Variants in PALM2AKAP2 observed in about 807,000 individuals in gnomAD.
The protein encoded by PALM2AKAP2 is PALM2 and AKAP2 fusion, also known as PALM2-AKAP2 fusion protein.
In PALM2AKAP2, 37 loss-of-function variants were observed where a neutral mutation model predicts 71.5. The observed-to-expected ratio is 0.52, with a 90% CI of 0.40 to 0.68. The LOEUF (loss-of-function observed/expected upper bound fraction) is 0.68, where lower values mean the gene tolerates loss of function less well. PALM2AKAP2 is among the 30% of genes least tolerant of loss of function. The pLI is 0.00. For synonymous variants in PALM2AKAP2, 468 were observed against 478.8 expected, an observed-to-expected ratio of 0.98 and a Z score of 0.29; for missense variants, 1,224 against 1,191.8, an observed-to-expected ratio of 1.03 and a Z score of -0.40.
chr9:110,009,196 G>A (rs1431615585), intron 6 of PALM2AKAP2, among the ~76,000 whole-genome samples: 1 of 152,120 alleles, frequency 6.6e-6, no homozygotes. Flanking sequence ...TACAGGGAGT[G>A]TGGGTACAGT....
intron 3 of PALM2AKAP2, among the ~76,000 whole-genome samples, chr9:109,902,270 CA>C (rs1315479928): frequency 3.3e-5 from 5 of 152,198 alleles, no homozygotes; most frequent in Non-Finnish European, 7.3e-5. Context: ...AGTGTCTCAT[CA>C]GTGCCTAGCG....
chr9:109,752,313 G>A (rs529342746), intron 1 of PALM2AKAP2, among the ~76,000 whole-genome samples: 2 of 152,214 alleles, frequency 1.3e-5, no homozygotes, highest in East Asian at 3.9e-4. Context: ...GCAAGCCACA[G>A]CTTTTCAAAC....
intron 1 of PALM2AKAP2, among the ~76,000 whole-genome samples, chr9:110,107,806 A>G (rs1474388671): frequency 2.6e-5 from 4 of 152,136 alleles, no homozygotes; most frequent in African/African-American, 4.8e-5. Context: ...GCCTCAGGCA[A>G]TCTGCTTGCC....
At chr9:110,057,352 C>T (rs931585979) in intron 1 of PALM2AKAP2, among the ~76,000 whole-genome samples, 19 of 151,470 alleles carry the variant, frequency 1.3e-4, no homozygotes, top group Admixed American at 1.3e-4. Context: ...GTTTTCCTAC[C>T]CAGCTCCTTC....
chr9:109,921,354 C>G (rs141730624), intron 3 of PALM2AKAP2, among the ~76,000 whole-genome samples: 1 of 152,100 alleles, frequency 6.6e-6, no homozygotes, highest in Non-Finnish European at 1.5e-5. Flanking sequence ...GGGTGCCATC[C>G]GGTGCACTGT....
chr9:110,109,318 C>CAAAAAAAAAAA (rs542467637), intron 1 of PALM2AKAP2, among the ~76,000 whole-genome samples: 1 of 79,642 alleles, frequency 1.3e-5, no homozygotes, highest in Non-Finnish European at 2.4e-5. Context: ...TCTTTGTCTC[C>CAAAAAAAAAAA]AAAAAAAAAA....
intron 6 of PALM2AKAP2, among the ~76,000 whole-genome samples, chr9:109,982,634 AAGAG>A (rs908701048): frequency 3.3e-5 from 5 of 152,026 alleles, no homozygotes; most frequent in African/African-American, 1.2e-4. Context: ...AATTTTTTTA[AAGAG>A]AGAGAGAGAC....
chr9:109,931,326 A>T (rs746420470), intron 5 of PALM2AKAP2, among the ~76,000 whole-genome samples: 1 of 152,198 alleles, frequency 6.6e-6, no homozygotes, highest in Non-Finnish European at 1.5e-5. Context: ...GGGTATTGTC[A>T]TTTAGAATCT....
intron 1 of PALM2AKAP2, among the ~76,000 whole-genome samples, chr9:109,795,598 T>C (rs1449998892): frequency 6.6e-6 from 1 of 152,356 alleles, no homozygotes; most frequent in African/African-American, 2.4e-5. Flanking sequence ...GGGAAGATCT[T>C]TGAAGCTGCA....
intron 3 of PALM2AKAP2, among the ~76,000 whole-genome samples, chr9:110,161,782 C>A (rs538312950): frequency 6.6e-6 from 1 of 152,206 alleles, no homozygotes; most frequent in Non-Finnish European, 1.5e-5. Context: ...TGGTGGGCAG[C>A]TGATTGTGTA....
chr9:109,691,893 T>TAC (rs1564114956), intron 1 of PALM2AKAP2, among the ~76,000 whole-genome samples: 5 of 73,130 alleles, frequency 6.8e-5, no homozygotes, highest in African/African-American at 1.8e-4. Flanking sequence ...TATATATATA[T>TAC]ATATATATAC....
At position 109,898,093 on chromosome 9, in the gene PALM2AKAP2, C is replaced by G. The variant is rs16914593; in HGVS notation, c.257+17412C>G. On this transcript the variant is annotated intron_variant, in intron 3 of 9. Coordinates refer to the PALM2AKAP2 transcript ENST00000302798. ...CTATGAAATCTATTTGTGGATTTCT[C>G]TCTTCTCAAAGGAGAATTAATCAGA... Among the ~76,000 whole-genome samples the G allele has an allele frequency of 6.8e-3, 1,028 of 152,296 alleles. 11 individuals are homozygous for G. Among genetic ancestry groups the G allele is most frequent in the African/African-American group, 0.023 (963 of 41,548 alleles).
chr9:109,838,329 T>C (rs1440369469), intron 1 of PALM2AKAP2, among the ~76,000 whole-genome samples: 3 of 152,084 alleles, frequency 2.0e-5, no homozygotes, highest in African/African-American at 7.2e-5. Flanking sequence ...TTGAAACCAA[T>C]GAGAACAAAG....
intron 6 of PALM2AKAP2, among the ~76,000 whole-genome samples, chr9:109,970,697 T>G (rs1317904288): frequency 6.6e-6 from 1 of 152,262 alleles, no homozygotes; most frequent in Non-Finnish European, 1.5e-5. Flanking sequence ...CTCAGTTTAC[T>G]CATCTGTCCA....
chr9:110,046,586 AC>A (rs1220000671), upstream of PALM2AKAP2, among the ~76,000 whole-genome samples: 1 of 148,024 alleles, frequency 6.8e-6, no homozygotes, highest in African/African-American at 2.5e-5. Context: ...CTCCTGTCTC[AC>A]CCTCCTGAGT....
At chr9:109,892,617 T>G (rs1482195972) in intron 3 of PALM2AKAP2, among the ~76,000 whole-genome samples, 1 of 152,170 alleles carries the variant, frequency 6.6e-6, no homozygotes, top group South Asian at 2.1e-4. Flanking sequence ...GCCATGAGGT[T>G]CAGAAACCAT....
At chr9:109,832,798 T>C (rs1828340452) in intron 1 of PALM2AKAP2, among the ~76,000 whole-genome samples, 2 of 152,150 alleles carry the variant, frequency 1.3e-5, no homozygotes, top group Admixed American at 6.5e-5. Flanking sequence ...GGTTCTCAAA[T>C]GGCAAGAGTT....
intron 1 of PALM2AKAP2, among the ~76,000 whole-genome samples, chr9:110,106,738 A>T (rs192744070): frequency 6.6e-6 from 1 of 152,190 alleles, no homozygotes; most frequent in Non-Finnish European, 1.5e-5. Flanking sequence ...GTTGCTTTGT[A>T]TGGGTGCACA....
intron 6 of PALM2AKAP2, among the ~76,000 whole-genome samples, chr9:109,993,893 A>C (rs1588048793): frequency 6.8e-6 from 1 of 146,504 alleles, no homozygotes; most frequent in South Asian, 2.2e-4. Context: ...CCTGTCTCTC[A>C]CCCTCTTCCT....
Sources: allele counts gnomAD v4.1 joint callset (sites outside exome capture counted in the v4.1 genomes callset), GRCh38; gene constraint gnomAD v4.1.1; transcripts MANE v1.5; gene names NCBI Gene and HGNC (gene_info 2026-07-23, HGNC 2026-07-21).